The following SYMPK variants were observed in gnomAD, a reference collection of about 807,000 sequenced individuals.
SYMPK encodes symplekin scaffold protein.
SYMPK carries 49 observed loss-of-function variants against 136.4 expected under a neutral mutation model. That is an observed-to-expected ratio of 0.36 (90% CI 0.29 to 0.46). The LOEUF is 0.46. Among genes scored for constraint, SYMPK ranks in the 20% least tolerant of loss-of-function variants. The pLI, the probability that SYMPK is intolerant of heterozygous loss-of-function variation, is 1.00. For missense variants in SYMPK, 1,365 were observed against 1,690.0 expected (o/e 0.81, Z 3.37); for synonymous variants, 766 against 713.0 (o/e 1.07, Z -1.19).
At chr19:45,840,036 G>A (rs1342600507) in intron 9 of SYMPK, among the ~76,000 whole-genome samples, 1 of 152,088 alleles carries the variant, frequency 6.6e-6, no homozygotes, top group African/African-American at 2.4e-5. Flanking sequence ...GGGACACCAT[G>A]TGCCTCCTGA....
chr19:45,851,525 C>A (rs1368332064), intron 5 of SYMPK, among the ~76,000 whole-genome samples: 1 of 151,514 alleles, frequency 6.6e-6, no homozygotes, highest in African/African-American at 2.4e-5. Flanking sequence ...TTGTAATGAG[C>A]CAAGATTGCG....
Position 45,821,422 on chromosome 19 carries a change from A to G in SYMPK, c.2855T>C (p.Ile952Thr), listed in dbSNP as rs770625290. The G allele has an allele frequency of 3.7e-6, 6 of 1,614,076 alleles. No homozygotes were observed. In the South Asian group the frequency reaches 4.4e-5, roughly 12 times the overall value. Residue 952 changes from isoleucine to threonine, a missense_variant, in exon 22 of 27, where the codon ATT (isoleucine) becomes ACT (threonine). Physicochemically the swap from Ile to Thr is moderately conservative, Grantham distance 89. Coordinates refer to ENST00000245934, the MANE Select transcript of SYMPK (RefSeq NM_004819.3). The surrounding 1 kb of genome is among the most constrained non-coding windows in gnomAD (Gnocchi z 4.4). ...TTTCATGTCGCACTTCACGGAGTCA[A>G]TGTTGTGTAATGCGATCAGGAGCTC... ...PGELLIALHN[I>T]DSVKCDMKSI...
intron 8 of SYMPK, chr19:45,842,741 C>T (rs1168195958): frequency 2.1e-6 from 1 of 480,440 alleles, no homozygotes; most frequent in East Asian, 3.7e-5. Context: ...CAATTTCGTC[C>T]TCCTCCATCT....
chr19:45,842,102 C>CT, intron 9 of SYMPK, 148 bp downstream of exon 9: 1 of 1,303,664 alleles, frequency 7.7e-7, no homozygotes, highest in South Asian at 1.5e-5. Context: ...TCCCAAAGTG[C>CT]TGGGAATACA....
intron 8 of SYMPK, 149 bp from the exon 9 acceptor site, chr19:45,842,638 C>T: frequency 9.2e-7 from 1 of 1,090,262 alleles, no homozygotes; most frequent in Non-Finnish European, 1.3e-6. Flanking sequence ...TGGCTTTCCG[C>T]CTTACAAGCT....
chr19:45,842,787 G>A lies in SYMPK; in HGVS notation c.848-298C>T, dbSNP rs1448405222. 4 of 366,618 alleles carry A rather than the reference G, an allele frequency of 1.1e-5. No homozygotes were observed. The East Asian group carries it at 2.3e-4, about 21-fold the overall frequency. 22.7% of individuals were successfully genotyped at this position (366,618 alleles called of 1,614,324 possible). A position where few individuals can be genotyped will look rare whatever the true frequency, so the allele number is the denominator to read the frequency against. The stretch of plus-strand genomic sequence containing the variant: ...AATTCACATATGCTTCGCTTGGGGA[G>A]GGTTATAATCACCACTTTTGCCTCC... On this transcript the variant is annotated intron_variant, in intron 8 of 26. Transcript: ENST00000245934.
intron 10 of SYMPK, among the ~76,000 whole-genome samples, chr19:45,836,168 G>A (rs1971296134): frequency 6.6e-6 from 1 of 151,020 alleles, no homozygotes; most frequent in South Asian, 2.1e-4. Context: ...TGCAACCTCT[G>A]CCGCCTGGGT....
Position 45,822,799 on chromosome 19 carries a change from G to A in SYMPK, c.2748C>T (p.Ile916=), listed in dbSNP as rs1404822607. Residue 916 remains isoleucine (I), a synonymous_variant, in exon 21 of 27, where the codon ATC becomes ATT. Transcript: ENST00000245934. ...ALPKLIKLNP[I]VVKEVFNRLL... is the part of the protein sequence containing the mutation. Reference sequence around the variant, plus strand: ...GGCGGTTGAAGACTTCCTTCACCACGATGGGGTTGAGTTTGATGAGTTTAG... The same window carrying A: ...GGCGGTTGAAGACTTCCTTCACCACAATGGGGTTGAGTTTGATGAGTTTAG... 6.2e-6 allele frequency: 10 copies of A among 1,613,984 alleles called. No individual in the cohort carries two copies. The highest frequency in any genetic ancestry group is 1.7e-5 in the Admixed American group (1 of 60,010).
chr19:45,825,719 C>G (rs1234507875), intron 17 of SYMPK, among the ~76,000 whole-genome samples: 1 of 152,174 alleles, frequency 6.6e-6, no homozygotes, highest in Admixed American at 6.5e-5. Context: ...GGTCACATAC[C>G]CATTCTAACA....
intron 7 of SYMPK, among the ~76,000 whole-genome samples, chr19:45,846,572 G>A: frequency 6.6e-6 from 1 of 152,130 alleles, no homozygotes; most frequent in South Asian, 2.1e-4. Flanking sequence ...CTACTATAAT[G>A]TCTCTGAGAT....
intron 5 of SYMPK, among the ~76,000 whole-genome samples, chr19:45,850,071 A>C (rs1418207783): frequency 6.6e-6 from 1 of 152,002 alleles, no homozygotes; most frequent in East Asian, 1.9e-4. Context: ...ACAAAAACAA[A>C]AAAAAACAAC....
At chr19:45,850,864 G>A (rs1290931242) in intron 5 of SYMPK, among the ~76,000 whole-genome samples, 3 of 152,080 alleles carry the variant, frequency 2.0e-5, no homozygotes, top group East Asian at 1.9e-4. Flanking sequence ...TGAAGGTGGG[G>A]TGCCTGAGAC....
Position 45,816,482 on chromosome 19 carries a change from C to T in SYMPK, c.3354G>A (p.Glu1118=). ...GATGGGTGGGCTGCAGGGCCCTCAC[C>T]TCCTCCAAGGGCCCCGCAGGCGCCT... ...AKEAPAGPLE[E]DDLEPLTLAP... Residue 1118 remains glutamate, a splice_region_variant and synonymous_variant, in exon 25 of 27, where the codon GAG becomes GAA. Coordinates refer to ENST00000245934, the MANE Select transcript of SYMPK (RefSeq NM_004819.3). 6.2e-7 allele frequency: 1 copy of T among 1,611,374 alleles called. No individual in the cohort carries two copies. The highest frequency in any genetic ancestry group is 1.1e-5 in the South Asian group (1 of 90,962).
At position 45,856,339 on chromosome 19, in the gene SYMPK, C is replaced by CA. The variant is rs35031195; in HGVS notation, c.-12-1833dup. On this transcript the variant is annotated intron_variant, in intron 1 of 26. Transcript: ENST00000245934. ...TGGGACATAAAGACAGACTCCATCT[C>CA]AAAAAAAAAAGGTGAATCTCAGTAT... Among the ~76,000 whole-genome samples the CA allele has an allele frequency of 3.2e-4, 47 of 146,522 alleles. 1 individual carries two copies. In the East Asian group the frequency reaches 3.8e-3, roughly 12 times the overall value.
chr19:45,836,643 T>A (rs1290951779), intron 10 of SYMPK, among the ~76,000 whole-genome samples: 3 of 151,198 alleles, frequency 2.0e-5, no homozygotes. Flanking sequence ...AAAAAAAATG[T>A]ATTATTTTTC....
At chr19:45,856,963 T>C (rs1178007190) in intron 1 of SYMPK, among the ~76,000 whole-genome samples, 1 of 150,464 alleles carries the variant, frequency 6.6e-6, no homozygotes, top group African/African-American at 2.5e-5. Flanking sequence ...ACTAAAAACA[T>C]ACAAATTAGA....
Position 45,816,020 on chromosome 19 carries a change from G to C in SYMPK, c.3518C>G (p.Ser1173Cys), listed in dbSNP as rs773937095. The change falls in exon 26 of 27, where the codon TCT becomes TGT. Residue 1173 changes from serine (S) to cysteine (C), a missense_variant. Physicochemically the swap from Ser to Cys is moderately radical, Grantham distance 112 (BLOSUM62 -1). Around this residue, in one of 11 missense-constraint regions of SYMPK, gnomAD observed 341 missense variants for 270.5 expected, o/e 1.26. Coordinates refer to ENST00000245934, the MANE Select transcript of SYMPK (RefSeq NM_004819.3). ...GVGAPSSSSP[S>C]PSPSARPGPP... is the part of the protein sequence containing the mutation. ...GCCTGGCCGGGCCGACGGAGAGGGA[G>C]AGGGGGAGGAAGAGGAGGGGGCTCC... is the stretch of plus-strand genomic sequence containing the variant. 8.2e-6 allele frequency: 13 copies of C among 1,593,456 alleles called. No individual in the cohort carries two copies. Among genetic ancestry groups the C allele is most frequent in the Non-Finnish European group, 9.4e-6 (11 of 1,170,198 alleles).
At chr19:45,827,979 C>T in intron 14 of SYMPK, 61 bp from the exon 15 acceptor site, 1 of 1,531,350 alleles carries the variant, frequency 6.5e-7, no homozygotes, top group South Asian at 1.1e-5. Context: ...CTCCCGGGCC[C>T]TGCTGAATTG....
At chr19:45,816,265 T>C in intron 25 of SYMPK, 82 bp from the exon 26 acceptor site, 8 of 1,183,088 alleles carry the variant, frequency 6.8e-6, no homozygotes, top group Non-Finnish European at 9.2e-6. Context: ...CACCCTGAGG[T>C]GGTCTTTGAG....
Sources: allele counts gnomAD v4.1 joint callset (sites outside exome capture counted in the v4.1 genomes callset), GRCh38; gene constraint gnomAD v4.1.1; regional missense constraint gnomAD v4.1.1; non-coding constraint Gnocchi (gnomAD v3.1); transcripts MANE v1.5; gene names NCBI Gene and HGNC (gene_info 2026-07-23, HGNC 2026-07-21).